The following USP25 variants were observed in gnomAD, a reference collection of about 807,000 sequenced individuals.
USP25 encodes ubiquitin carboxyl-terminal hydrolase 25.
USP25 carries 85 observed loss-of-function variants against 158.5 expected under a neutral mutation model. The observed-to-expected ratio is 0.54, with a 90% CI of 0.45 to 0.64. The LOEUF (loss-of-function observed/expected upper bound fraction) is 0.64, where lower values mean the gene tolerates loss of function less well. USP25 is among the 30% of genes least tolerant of loss of function. USP25 has a pLI of 0.00. For synonymous variants in USP25, 464 were observed against 460.4 expected, an observed-to-expected ratio of 1.01 and a Z score of -0.10; for missense variants, 1,242 against 1,327.3, an observed-to-expected ratio of 0.94 and a Z score of 1.00.
intron 4 of USP25, among the ~76,000 whole-genome samples, chr21:15,780,472 A>G (rs2034901909): frequency 6.6e-6 from 1 of 152,180 alleles, no homozygotes; most frequent in African/African-American, 2.4e-5. Context: ...GTTTGTGTCT[A>G]TGGCATATTT....
chr21:15,848,586 A>G (rs944430435), intron 19 of USP25, among the ~76,000 whole-genome samples: 7 of 152,028 alleles, frequency 4.6e-5, no homozygotes, highest in Admixed American at 4.6e-4. Flanking sequence ...GTTGGATTCT[A>G]GTTTTTGTGG....
rs1470820379 is a variant in USP25 at position 15,823,827 on chromosome 21, ATATAT to A, written c.1081-207_1081-203del. On this transcript the variant is annotated intron_variant, in intron 10 of 25. Transcript: ENST00000400183. ...TGTGAGATTTCTTTTTTTCCTGATC[ATATAT>A]TATACCCACTCTTGGAATTTTCAAG... is the stretch of plus-strand genomic sequence containing the variant. Among the ~76,000 whole-genome samples the A allele has an allele frequency of 4.6e-5, 7 of 152,180 alleles. No homozygotes were observed. In the South Asian group the frequency reaches 1.4e-3, roughly 32 times the overall value.
At chr21:15,742,034 G>T (rs557490326) in intron 1 of USP25, among the ~76,000 whole-genome samples, 36 of 152,002 alleles carry the variant, frequency 2.4e-4, no homozygotes, top group African/African-American at 8.0e-4. Context: ...AAAGAACATA[G>T]TGCAGTTGCA....
intron 1 of USP25, among the ~76,000 whole-genome samples, chr21:15,733,162 C>T (rs1601222924): frequency 8.4e-6 from 1 of 118,396 alleles, no homozygotes; most frequent in South Asian, 3.2e-4. Context: ...CTATCTAACC[C>T]GATGAACCAA....
intron 20 of USP25, among the ~76,000 whole-genome samples, chr21:15,856,353 C>T (rs748603891): frequency 3.9e-5 from 6 of 152,208 alleles, no homozygotes; most frequent in Non-Finnish European, 8.8e-5. Context: ...TCTCACTCCA[C>T]AGTGAGCATC....
chr21:15,843,680 T>C lies in USP25; in HGVS notation c.2337+1140T>C, dbSNP rs2038447773. Among the ~76,000 whole-genome samples, 1 of 152,182 alleles carries C rather than the reference T, an allele frequency of 6.6e-6. No individual in the cohort carries two copies. The highest frequency in any genetic ancestry group is 2.4e-5 in the African/African-American group (1 of 41,460). On this transcript the variant is annotated intron_variant, in intron 18 of 25. Transcript: ENST00000400183. This position sits in a 1 kb window ranked among gnomAD's most constrained non-coding sequence, Gnocchi z 4.0. ...CTCTAAAGCTTTTCCTGGAAAATGC[T>C]TTGTTTAGTGGATCTGGGATGTCTG...
At chr21:15,755,096 G>A (rs1450634871) in intron 1 of USP25, among the ~76,000 whole-genome samples, 1 of 151,244 alleles carries the variant, frequency 6.6e-6, no homozygotes, top group East Asian at 1.9e-4. Flanking sequence ...CCTACATTTG[G>A]TGCTTAGCAG....
At chr21:15,873,492 C>T (rs2039974760) in intron 23 of USP25, among the ~76,000 whole-genome samples, 1 of 151,526 alleles carries the variant, frequency 6.6e-6, no homozygotes, top group Non-Finnish European at 1.5e-5. Context: ...AACACATATG[C>T]CTAATTCTAT....
Position 15,872,014 on chromosome 21 carries a change from G to GTTT in USP25, c.2885+1891_2885+1893dup, listed in dbSNP as rs1158862222. ...TCAAAAAAAAAAAGAAAGAAATACT[G>GTTT]TTTTTTTTTTTTTTTTTTTTTTTTT... On this transcript the variant is annotated intron_variant, in intron 23 of 25. Coordinates refer to ENST00000400183, the MANE Select transcript of USP25 (RefSeq NM_001283041.3). Among the ~76,000 whole-genome samples the GTTT allele has an allele frequency of 2.4e-3, 175 of 71,630 alleles. 4 individuals carry two copies. The highest frequency in any genetic ancestry group is 8.5e-3 in the African/African-American group (164 of 19,332). 47.0% of individuals were successfully genotyped at this position (71,630 alleles called of 152,430 possible). A position where few individuals can be genotyped will look rare whatever the true frequency, so the allele number is the denominator to read the frequency against.
intron 18 of USP25, among the ~76,000 whole-genome samples, 156 bp from the exon 19 acceptor site, chr21:15,847,507 A>T (rs1280577852): frequency 6.6e-6 from 1 of 152,222 alleles, no homozygotes; most frequent in Non-Finnish European, 1.5e-5. Context: ...GTGCTTAAAC[A>T]GTTTAATAGT....
At chr21:15,865,913 G>T (rs760581692) in intron 21 of USP25, among the ~76,000 whole-genome samples, 4 of 151,996 alleles carry the variant, frequency 2.6e-5, no homozygotes, top group African/African-American at 4.8e-5. Context: ...AATACCATGT[G>T]GGGGGAAAAG....
intron 7 of USP25, among the ~76,000 whole-genome samples, chr21:15,806,784 C>T (rs1479881909): frequency 1.3e-5 from 2 of 152,150 alleles, no homozygotes; most frequent in Non-Finnish European, 2.9e-5. Context: ...ATGTAAGCAT[C>T]ATGATTTTTT....
chr21:15,874,498 T>C lies in USP25; in HGVS notation c.2981T>C (p.Ile994Thr). The C allele has an allele frequency of 1.2e-6, 2 of 1,607,628 alleles. No individual in the cohort carries two copies. The highest frequency in any genetic ancestry group is 2.2e-5 in the East Asian group (1 of 44,682). ...TACAGAGGACATGATGAAGAATTGA[T>C]ATCACATTATAGAAGAGAATGTTTG... ...GLYRGHDEEL[I>T]SHYRRECLLK... The change falls in exon 24 of 26, where the codon ATA (isoleucine) becomes ACA (threonine). Residue 994 changes from isoleucine to threonine, a missense_variant. This residue lies in a region of USP25 where 608 missense variants were observed against 605.2 expected (regional missense o/e 1.00). Coordinates refer to ENST00000400183, the MANE Select transcript of USP25 (RefSeq NM_001283041.3).
intron 16 of USP25, among the ~76,000 whole-genome samples, chr21:15,832,744 C>G (rs1190209133): frequency 1.3e-5 from 2 of 151,728 alleles, no homozygotes; most frequent in Non-Finnish European, 2.9e-5. Context: ...AATGGCCGGG[C>G]GCGGTGGCTT....
intron 1 of USP25, among the ~76,000 whole-genome samples, chr21:15,751,380 T>C (rs2033003694): frequency 6.6e-6 from 1 of 152,230 alleles, no homozygotes; most frequent in South Asian, 2.1e-4. Context: ...TAAAGAATTG[T>C]GACAAATATA....
intron 4 of USP25, among the ~76,000 whole-genome samples, chr21:15,781,165 G>A (rs756418762): frequency 1.3e-5 from 2 of 152,140 alleles, no homozygotes; most frequent in East Asian, 1.9e-4. Context: ...CAGGCTGTCC[G>A]TGTGGCAGGA....
At chr21:15,770,151 T>G (rs946745862) in intron 3 of USP25, among the ~76,000 whole-genome samples, 3 of 152,092 alleles carry the variant, frequency 2.0e-5, no homozygotes, top group African/African-American at 7.2e-5. Flanking sequence ...AATTCTCTTA[T>G]GCTAAACAGT....
chr21:15,793,781 C>G (rs2035720111), intron 5 of USP25, among the ~76,000 whole-genome samples: 1 of 151,556 alleles, frequency 6.6e-6, no homozygotes, highest in Non-Finnish European at 1.5e-5. Flanking sequence ...GGCTAGAGAT[C>G]ACCTGAAGTT....
At chr21:15,839,862 T>G (rs1301538842) in intron 17 of USP25, among the ~76,000 whole-genome samples, 1 of 152,138 alleles carries the variant, frequency 6.6e-6, no homozygotes, top group African/African-American at 2.4e-5. Context: ...TGAAGTATCC[T>G]TCATCTTAAA....
Sources: gnomAD v4.1 joint callset for allele counts (sites outside exome capture counted in the v4.1 genomes callset) on GRCh38, gnomAD v4.1.1 for gene constraint, gnomAD v4.1.1 regional missense constraint, Gnocchi (gnomAD v3.1) non-coding constraint, MANE v1.5 for transcripts, NCBI Gene and HGNC (gene_info 2026-07-23, HGNC 2026-07-21) for gene names.